The following SLC25A37 variants were observed in gnomAD, a reference collection of about 807,000 sequenced individuals.
SLC25A37 encodes solute carrier family 25 member 37, also known as mitoferrin-1.
SLC25A37 carries 17 observed loss-of-function variants against 31.0 expected under a neutral mutation model. That is an observed-to-expected ratio of 0.55 (90% CI 0.38 to 0.82). The LOEUF (loss-of-function observed/expected upper bound fraction) is 0.82. SLC25A37 is among the 40% of genes least tolerant of loss of function. SLC25A37 has a pLI of 0.00. For synonymous variants in SLC25A37, 222 were observed against 193.0 expected, an observed-to-expected ratio of 1.15 and a Z score of -1.24; for missense variants, 404 against 465.8, an observed-to-expected ratio of 0.87 and a Z score of 1.22.
rs904257651 is a variant in SLC25A37, at chr8:23,538,394, A to C, written c.210+9182A>C. On this transcript the variant is annotated intron_variant, in intron 1 of 3. Coordinates refer to ENST00000519973, the MANE Select transcript of SLC25A37 (RefSeq NM_016612.4). ...AGACTTCATCTCAAAAAAAAAAAAAAAAAAAAAAAAAACCAGAAAAAAAAA... is the reference window on the plus strand; with the variant it reads ...AGACTTCATCTCAAAAAAAAAAAAACAAAAAAAAAAAACCAGAAAAAAAAA... Among the ~76,000 whole-genome samples, 9 of 143,732 alleles carry C rather than the reference A, an allele frequency of 6.3e-5. 1 individual carries two copies. The highest frequency in any genetic ancestry group is 7.7e-5 in the Non-Finnish European group (5 of 64,672). 94.3% of individuals were successfully genotyped at this position (143,732 alleles called of 152,430 possible).
chr8:23,556,693 C>T (rs995838381), intron 1 of SLC25A37, among the ~76,000 whole-genome samples: 1 of 151,304 alleles, frequency 6.6e-6, no homozygotes, highest in South Asian at 2.1e-4. Flanking sequence ...TTTATTTTTG[C>T]CAGTTTGGGA....
At chr8:23,545,245 T>C (rs970751656) in intron 1 of SLC25A37, among the ~76,000 whole-genome samples, 1 of 152,190 alleles carries the variant, frequency 6.6e-6, no homozygotes, top group African/African-American at 2.4e-5. Flanking sequence ...CTCTGGAGGC[T>C]CAGATTCGTG....
chr8:23,534,808 C>T (rs1222148892), intron 1 of SLC25A37, among the ~76,000 whole-genome samples: 9 of 152,214 alleles, frequency 5.9e-5, no homozygotes, highest in African/African-American at 1.4e-4. Context: ...GCCTGGTACA[C>T]GCACAGAACA....
At position 23,534,394 on chromosome 8, in the gene SLC25A37, C is replaced by T. The variant is rs146347107; in HGVS notation, c.210+5182C>T. Among the ~76,000 whole-genome samples, 55 of 152,332 alleles carry T rather than the reference C, an allele frequency of 3.6e-4. No homozygotes were observed. The East Asian group carries it at 9.6e-3, about 27-fold the overall frequency. The stretch of plus-strand genomic sequence containing the variant: ...TTTGACTTACTGGTTGGGCAGGACA[C>T]TTAGCTTCTTCATGTCCTTACTTGT... On this transcript the variant is annotated intron_variant, in intron 1 of 3. Coordinates refer to ENST00000519973, the MANE Select transcript of SLC25A37 (RefSeq NM_016612.4).
intron 1 of SLC25A37, among the ~76,000 whole-genome samples, chr8:23,530,598 C>T (rs1801644011): frequency 1.3e-5 from 2 of 152,186 alleles, no homozygotes; most frequent in South Asian, 4.1e-4. Context: ...TTCTCATCTC[C>T]AGGAAAGACA....
intron 1 of SLC25A37, among the ~76,000 whole-genome samples, chr8:23,547,144 G>T (rs1369918369): frequency 6.6e-6 from 1 of 152,194 alleles, no homozygotes; most frequent in Non-Finnish European, 1.5e-5. Flanking sequence ...ACAAGTTACT[G>T]CAAAGCTGGG....
intron 1 of SLC25A37, among the ~76,000 whole-genome samples, chr8:23,564,785 A>C (rs1298186139): frequency 1.3e-5 from 2 of 151,968 alleles, no homozygotes; most frequent in African/African-American, 4.8e-5. Flanking sequence ...CTACATAGAG[A>C]GGTTATCTGT....
rs77808337 is a variant in SLC25A37, at chr8:23,567,545, G to A, written c.440-777G>A. 1,161 of 153,342 alleles carry A rather than the reference G, an allele frequency of 7.6e-3. 74 individuals are homozygous for A. In the East Asian group the frequency reaches 0.16, roughly 22 times the overall value. 9.5% of individuals were successfully genotyped at this position (153,342 alleles called of 1,614,324 possible). On this transcript the variant is annotated intron_variant, in intron 2 of 3. Transcript: ENST00000519973. ...GGGAATGATTATAAGTGTGTGTGTG[G>A]TGGGGGAGTGGGTATTACATGCATT...
At chr8:23,550,181 CA>C (rs67552053) in intron 1 of SLC25A37, among the ~76,000 whole-genome samples, 2,715 of 68,746 alleles carry the variant, frequency 0.039, 260 homozygotes, top group African/African-American at 0.19. Context: ...AATTCCGTTT[CA>C]AAAAAAAAAA....
At chr8:23,565,687 A>G (rs1186113920) in intron 1 of SLC25A37, among the ~76,000 whole-genome samples, 1 of 152,248 alleles carries the variant, frequency 6.6e-6, no homozygotes, top group African/African-American at 2.4e-5. Context: ...TCACAACCAG[A>G]GTGGGCACCA....
rs566482516 is a variant in SLC25A37, at chr8:23,552,029, G to C, written c.211-14079G>C. Among the ~76,000 whole-genome samples, 30 of 152,284 alleles carry C rather than the reference G, an allele frequency of 2.0e-4. 1 individual carries two copies. The South Asian group carries it at 6.2e-3, about 32-fold the overall frequency. On this transcript the variant is annotated intron_variant, in intron 1 of 3. Transcript: ENST00000519973. ...ATTTAGCCATTTTCTTCTGTAGTCC[G>C]ATGGGAGGGATTCAATTCAAACCTG...
At chr8:23,552,627 C>T (rs1449151228) in intron 1 of SLC25A37, among the ~76,000 whole-genome samples, 2 of 152,190 alleles carry the variant, frequency 1.3e-5, no homozygotes, top group Non-Finnish European at 2.9e-5. Flanking sequence ...CATCCTATCC[C>T]AACCCCTTCC....
intron 1 of SLC25A37, among the ~76,000 whole-genome samples, chr8:23,556,559 T>G (rs1200789419): frequency 6.6e-6 from 1 of 151,752 alleles, no homozygotes; most frequent in Non-Finnish European, 1.5e-5. Context: ...CATACATATA[T>G]GTATATGTAT....
intron 1 of SLC25A37, among the ~76,000 whole-genome samples, chr8:23,531,053 C>T (rs1046053525): frequency 1.3e-5 from 2 of 152,136 alleles, no homozygotes; most frequent in Non-Finnish European, 2.9e-5. Flanking sequence ...TAGAAGGAGC[C>T]GGTCTGGTTT....
chr8:23,571,992 A>T lies in SLC25A37; in HGVS notation c.*137A>T. Reference sequence around the variant, plus strand: ...CTCTGCTCCCCAATGCCTTAGAGAGAGGAGGGGACGGCACGGCCGCTCACC... The same window carrying T: ...CTCTGCTCCCCAATGCCTTAGAGAGTGGAGGGGACGGCACGGCCGCTCACC... On this transcript the variant is annotated 3_prime_UTR_variant, in exon 4 of 4. Transcript: ENST00000519973. 1.0e-6 allele frequency: 1 copy of T among 992,952 alleles called. No homozygotes were observed. 61.5% of individuals were successfully genotyped at this position (992,952 alleles called of 1,614,324 possible).
At chr8:23,532,554 T>A (rs1353682134) in intron 1 of SLC25A37, among the ~76,000 whole-genome samples, 2 of 152,048 alleles carry the variant, frequency 1.3e-5, no homozygotes, top group Non-Finnish European at 2.9e-5. Flanking sequence ...CCATGCCGAG[T>A]CCCGCCTGGG....
intron 3 of SLC25A37, 122 bp from the exon 4 acceptor site, chr8:23,571,213 T>G: frequency 1.7e-6 from 2 of 1,210,030 alleles, no homozygotes. Context: ...CTCGCCTGTT[T>G]CCGGTGTCTA....
At chr8:23,554,784 A>G (rs1026312006) in intron 1 of SLC25A37, among the ~76,000 whole-genome samples, 7 of 152,200 alleles carry the variant, frequency 4.6e-5, no homozygotes, top group African/African-American at 1.7e-4. Flanking sequence ...AAGCAGCTGT[A>G]GCTTTGGAGA....
intron 1 of SLC25A37, among the ~76,000 whole-genome samples, chr8:23,544,620 C>T (rs548568916): frequency 6.1e-4 from 93 of 152,238 alleles, no homozygotes; most frequent in African/African-American, 2.2e-3. Context: ...AAAGGCCCCC[C>T]GAGGAAGGAA....
Sources: allele counts gnomAD v4.1 joint callset (sites outside exome capture counted in the v4.1 genomes callset), GRCh38; gene constraint gnomAD v4.1.1; transcripts MANE v1.5; gene names NCBI Gene and HGNC (gene_info 2026-07-23, HGNC 2026-07-21).